Variants in PPP6R1 observed in about 807,000 individuals in gnomAD.
PPP6R1 encodes protein phosphatase 6 regulatory subunit 1, also known as serine/threonine-protein phosphatase 6 regulatory subunit 1.
A neutral mutation model predicts 104.6 loss-of-function variants in PPP6R1; 39 were observed. The ratio of observed to expected loss-of-function variants is 0.37; its 90% CI spans 0.29 to 0.49. The LOEUF is 0.49. Ranked by LOEUF, PPP6R1 falls within the 20% of genes least tolerant of loss-of-function variation. The pLI, the probability that PPP6R1 is intolerant of heterozygous loss-of-function variation, is 0.98. For synonymous variants in PPP6R1, 549 were observed against 479.0 expected (o/e 1.15, Z -1.91); for missense variants, 1,181 against 1,155.8 (o/e 1.02, Z -0.32).
rs776333417 is a variant in PPP6R1, at chr19:55,241,447, TCC to T, written c.1008+28_1008+29del. 2 of 1,595,974 alleles carry T rather than the reference TCC, an allele frequency of 1.3e-6. No individual in the cohort carries two copies. The highest frequency in any genetic ancestry group is 4.5e-5 in the East Asian group (2 of 44,490). On this transcript the variant is annotated intron_variant, in intron 8 of 23. Transcript: ENST00000412770. This position sits in a 1 kb window ranked among gnomAD's most constrained non-coding sequence, Gnocchi z 5.4. The stretch of plus-strand genomic sequence containing the variant: ...GGCTGCCCTTCCTGCTTCCCCCGCC[TCC>T]CCGAGGACCAGAACCCACACCCCTG...
chr19:55,247,319 C>G (rs1231478031), intron 1 of PPP6R1: 2 of 582,810 alleles, frequency 3.4e-6, no homozygotes. Context: ...CAGTGAGCAC[C>G]AGGCTCCTGC....
At chr19:55,257,760 C>T (rs1290900677) in intron 1 of PPP6R1, among the ~76,000 whole-genome samples, 1 of 152,250 alleles carries the variant, frequency 6.6e-6, no homozygotes, top group African/African-American at 2.4e-5. Flanking sequence ...TTTGTACCCC[C>T]TCCAGGGACC....
downstream of PPP6R1, chr19:55,228,689 A>G (rs1204580832): frequency 6.2e-6 from 10 of 1,612,502 alleles, no homozygotes; most frequent in Non-Finnish European, 8.5e-6. Context: ...GAAGGCTCTC[A>G]CCTGGGCTGA....
In PPP6R1 at chr19:55,239,511, G is replaced by A. The variant is rs1214179306; in HGVS notation, c.1654-9C>T. ...TGGAAGTCCATGAAGGCCTGTGGGG[G>A]TGCGGAGGTTAGGGCTGGAGGGAGT... On this transcript the variant is annotated splice_polypyrimidine_tract_variant and intron_variant, in intron 14 of 23. Coordinates refer to ENST00000412770, the MANE Select transcript of PPP6R1 (RefSeq NM_014931.4). 1 of 1,613,568 alleles carries A rather than the reference G, an allele frequency of 6.2e-7. No individual in the cohort carries two copies. The highest frequency in any genetic ancestry group is 1.3e-5 in the African/African-American group (1 of 74,914).
At chr19:55,256,737 T>C (rs1329577764) in intron 1 of PPP6R1, among the ~76,000 whole-genome samples, 1 of 152,214 alleles carries the variant, frequency 6.6e-6, no homozygotes, top group Admixed American at 6.5e-5. Context: ...CCTGTAGTCC[T>C]AGCTACTTAG....
Position 55,245,185 on chromosome 19 carries a change from A to T in PPP6R1, c.553T>A (p.Trp185Arg). 6.2e-7 allele frequency: 1 copy of T among 1,612,726 alleles called. No individual in the cohort carries two copies. Among genetic ancestry groups the T allele is most frequent in the Non-Finnish European group, 8.5e-7 (1 of 1,179,496 alleles). Residue 185 changes from tryptophan to arginine, a missense_variant and splice_region_variant, in exon 5 of 24, where the codon TGG (tryptophan) becomes AGG (arginine). This residue lies in a region of PPP6R1 where 1,042 missense variants were observed against 955.6 expected (regional missense o/e 1.09). Transcript: ENST00000412770. The surrounding 1 kb of genome is among the most constrained non-coding windows in gnomAD (Gnocchi z 6.4). ...TGGACGATCTTCTCCTCGTTGAGCC[A>T]CTGAGGGTGAGAAGGCGAGGGATGC... ...RPQLRQDVVNWLNEEKIVQRL... is the reference protein window; with the variant it reads ...RPQLRQDVVNRLNEEKIVQRL...
At chr19:55,243,373 A>T (rs1484917554) in intron 5 of PPP6R1, among the ~76,000 whole-genome samples, 1 of 147,406 alleles carries the variant, frequency 6.8e-6, no homozygotes, top group East Asian at 2.0e-4. Flanking sequence ...AGATCGTGCC[A>T]CTGCACTCTA....
chr19:55,239,670 T>C lies in PPP6R1; in HGVS notation c.1577A>G (p.His526Arg). The change falls in exon 14 of 24, where the codon CAC (histidine) becomes CGC (arginine). Residue 526 changes from histidine to arginine, a missense_variant. Transcript: ENST00000412770. ...KNMVDLVNTH[H>R]LHSSSDDEDD... ...CTCATCGTCACTGGAGGAGTGTAGG[T>C]GGTGGGTGTTCACCTGGGGAGAGGA... 6.2e-7 allele frequency: 1 copy of C among 1,610,990 alleles called. No homozygotes were observed. Among genetic ancestry groups the C allele is most frequent in the Non-Finnish European group, 8.5e-7 (1 of 1,178,618 alleles).
At chr19:55,233,754 A>G (rs1029562485) in intron 17 of PPP6R1, among the ~76,000 whole-genome samples, 10 of 152,254 alleles carry the variant, frequency 6.6e-5, no homozygotes, top group African/African-American at 1.9e-4. Flanking sequence ...TCTAAAACCT[A>G]CGAAACATTG....
Position 55,230,687 on chromosome 19 carries a change from G to A in PPP6R1, c.2571-3C>T. On this transcript the variant is annotated splice_polypyrimidine_tract_variant and splice_region_variant and intron_variant, in intron 22 of 23. Coordinates refer to ENST00000412770, the MANE Select transcript of PPP6R1 (RefSeq NM_014931.4). ...GAGGAGGCGTGAGGGCCTGGGCACT[G>A]TCAGGGGAGAGAGGGGATGTGCAGA... 6.3e-7 allele frequency: 1 copy of A among 1,587,310 alleles called. No homozygotes were observed. The highest frequency in any genetic ancestry group is 1.8e-5 in the Admixed American group (1 of 56,166).
intron 1 of PPP6R1, among the ~76,000 whole-genome samples, chr19:55,256,461 G>T (rs765990378): frequency 6.6e-5 from 10 of 152,240 alleles, no homozygotes; most frequent in Non-Finnish European, 1.5e-4. Flanking sequence ...TCCCCCAGGG[G>T]ACACAATCGC....
intron 5 of PPP6R1, among the ~76,000 whole-genome samples, 177 bp downstream of exon 5, chr19:55,244,943 G>A (rs764525523): frequency 7.9e-5 from 12 of 152,060 alleles, no homozygotes; most frequent in Non-Finnish European, 1.3e-4. Flanking sequence ...TTACTATGTT[G>A]CCCAAGCTGG....
At position 55,231,966 on chromosome 19, in the gene PPP6R1, G is replaced by A; in HGVS notation, c.2142C>T (p.Ala714=). Residue 714 remains alanine, a synonymous_variant, in exon 19 of 24, where the codon GCC becomes GCT. Transcript: ENST00000412770. ...CATCTGTAGGCACTGGGTCAAAGGT[G>A]GCTGTCCAGCTGGGGCCTGGGATAG... ...GPQPPGPSWT[A]TFDPVPTDAP... is the part of the protein sequence containing the mutation. The A allele has an allele frequency of 6.3e-7, 1 of 1,598,144 alleles. No individual in the cohort carries two copies. Among genetic ancestry groups the A allele is most frequent in the East Asian group, 2.2e-5 (1 of 44,526 alleles).
chr19:55,241,109 G>C lies in PPP6R1; in HGVS notation c.1162-30C>G. On this transcript the variant is annotated intron_variant, in intron 9 of 23. Transcript: ENST00000412770. The surrounding 1 kb of genome is among the most constrained non-coding windows in gnomAD (Gnocchi z 5.4). ...GGGAGGACACAGGATTGGTACCAGA[G>C]AGGCCCCGCCCCAGCCGAGCCCCCA... The C allele has an allele frequency of 1.3e-6, 2 of 1,545,928 alleles. No homozygotes were observed. Among genetic ancestry groups the C allele is most frequent in the Non-Finnish European group, 8.7e-7 (1 of 1,145,642 alleles).
Position 55,239,851 on chromosome 19 carries a change from G to A in PPP6R1, c.1538C>T (p.Thr513Ile). The part of the protein sequence containing the change: ...EAFVSGPLAE[T>I]NKKNMVDLVN... Reference sequence around the variant, plus strand: ...CAGGTCCACCATGTTCTTCTTGTTGGTCTCCGCCAGGGGCCCCGATACGAA... The same window carrying A: ...CAGGTCCACCATGTTCTTCTTGTTGATCTCCGCCAGGGGCCCCGATACGAA... Residue 513 changes from threonine (T) to isoleucine (I), a missense_variant, in exon 13 of 24, where the codon ACC becomes ATC. By Grantham distance (89) the Thr-to-Ile change is moderately conservative (BLOSUM62 -1). Transcript: ENST00000412770. 6.2e-7 allele frequency: 1 copy of A among 1,613,922 alleles called. No homozygotes were observed. Among genetic ancestry groups the A allele is most frequent in the Non-Finnish European group, 8.5e-7 (1 of 1,179,852 alleles).
intron 1 of PPP6R1, among the ~76,000 whole-genome samples, chr19:55,248,121 C>T (rs1269460835): frequency 1.3e-5 from 2 of 152,236 alleles, no homozygotes; most frequent in Non-Finnish European, 2.9e-5. Flanking sequence ...CATCACTGCT[C>T]CGCAGAGCCC....
rs765967220 is a variant in PPP6R1, at chr19:55,239,657, G to A, written c.1590C>T (p.Ser530=). The part of the protein sequence containing the change: ...DLVNTHHLHS[S]SDDEDDRLKE... ...TGAGCCGGTCGTCCTCATCGTCACTGGAGGAGTGTAGGTGGTGGGTGTTCA... is the reference window on the plus strand; with the variant it reads ...TGAGCCGGTCGTCCTCATCGTCACTAGAGGAGTGTAGGTGGTGGGTGTTCA... Residue 530 remains serine, a synonymous_variant, in exon 14 of 24, where the codon TCC becomes TCT. Transcript: ENST00000412770. 4 of 1,611,838 alleles carry A rather than the reference G, an allele frequency of 2.5e-6. No homozygotes were observed. In the South Asian group the frequency reaches 4.4e-5, roughly 18 times the overall value.
At chr19:55,253,229 G>A (rs191283598) in intron 1 of PPP6R1, among the ~76,000 whole-genome samples, 5 of 152,232 alleles carry the variant, frequency 3.3e-5, no homozygotes, top group East Asian at 1.9e-4. Flanking sequence ...TTATTATTCC[G>A]ACAGAGTCTC....
In PPP6R1 at chr19:55,232,000, G is replaced by A. The variant is rs1240310678; in HGVS notation, c.2126-18C>T. ...GCTGGGGCCTGGGATAGAGGTGGGG[G>A]AGCGGGATGGAGGGTGAACTCAGTA... On this transcript the variant is annotated intron_variant, in intron 18 of 23. Transcript: ENST00000412770. 16 of 1,604,714 alleles carry A rather than the reference G, an allele frequency of 1.0e-5. No homozygotes were observed. The highest frequency in any genetic ancestry group is 8.4e-5 in the Admixed American group (5 of 59,276).
Sources: allele counts gnomAD v4.1 joint callset (sites outside exome capture counted in the v4.1 genomes callset), GRCh38; gene constraint gnomAD v4.1.1; regional missense constraint gnomAD v4.1.1; non-coding constraint Gnocchi (gnomAD v3.1); transcripts MANE v1.5; gene names NCBI Gene and HGNC (gene_info 2026-07-23, HGNC 2026-07-21).